The following RHBDD1 variants were observed in gnomAD, a reference collection of about 807,000 sequenced individuals.
RHBDD1 encodes rhomboid-related protein 4.
RHBDD1 carries 38 observed loss-of-function variants against 36.3 expected under a neutral mutation model. That is an observed-to-expected ratio of 1.05 (90% CI 0.81 to 1.37). RHBDD1 has a LOEUF of 1.37. Ranked by LOEUF, RHBDD1 falls within the 40% of genes most tolerant of loss-of-function variation. The pLI is 0.00. For missense variants in RHBDD1, 393 were observed against 377.6 expected, an observed-to-expected ratio of 1.04 and a Z score of -0.34; for synonymous variants, 151 against 136.5, an observed-to-expected ratio of 1.11 and a Z score of -0.74.
chr2:226,948,429 AG>A (rs1951150647), intron 8 of RHBDD1, among the ~76,000 whole-genome samples: 1 of 63,908 alleles, frequency 1.6e-5, no homozygotes, highest in South Asian at 5.9e-4. Flanking sequence ...GGGTAGGGGG[AG>A]GGGGGAGGGA....
chr2:226,825,829 C>T, the RHBDD1 span, among the ~76,000 whole-genome samples: 26 of 152,336 alleles, frequency 1.7e-4, no homozygotes, highest in African/African-American at 3.8e-4. Flanking sequence ...GACTTTCTGA[C>T]GCTCTGTCTC....
At chr2:226,881,574 A>G (rs1945742146) in intron 5 of RHBDD1, among the ~76,000 whole-genome samples, 1 of 152,168 alleles carries the variant, frequency 6.6e-6, no homozygotes, top group Non-Finnish European at 1.5e-5. Flanking sequence ...CTTGGCTCCC[A>G]GGTCCGAGTA....
At chr2:226,948,653 A>G (rs1484309452) in intron 8 of RHBDD1, among the ~76,000 whole-genome samples, 2 of 152,034 alleles carry the variant, frequency 1.3e-5, no homozygotes, top group Non-Finnish European at 2.9e-5. Context: ...CCAAATAATA[A>G]GAGCCATATA....
chr2:226,899,556 TTAAA>T (rs1357438650), intron 5 of RHBDD1, among the ~76,000 whole-genome samples: 2 of 152,092 alleles, frequency 1.3e-5, no homozygotes, highest in African/African-American at 4.8e-5. Flanking sequence ...TCTTAGCAGG[TTAAA>T]TAAATCTGCA....
At chr2:226,847,357 T>G (rs1942332291) in intron 3 of RHBDD1, among the ~76,000 whole-genome samples, 1 of 152,234 alleles carries the variant, frequency 6.6e-6, no homozygotes, top group African/African-American at 2.4e-5. Context: ...TTCATCCACT[T>G]TTTATCTTTC....
intron 8 of RHBDD1, among the ~76,000 whole-genome samples, chr2:226,945,362 A>G (rs1165989823): frequency 6.6e-6 from 1 of 151,782 alleles, no homozygotes; most frequent in Non-Finnish European, 1.5e-5. Flanking sequence ...CCTTATGTCC[A>G]TGTGTTCTCA....
chr2:226,944,289 G>T (rs577162677), intron 8 of RHBDD1, among the ~76,000 whole-genome samples: 1 of 152,112 alleles, frequency 6.6e-6, no homozygotes, highest in Non-Finnish European at 1.5e-5. Flanking sequence ...TTTTTAAAAC[G>T]AAAATAAAAA....
intron 5 of RHBDD1, among the ~76,000 whole-genome samples, chr2:226,899,994 T>C (rs1947454519): frequency 6.6e-6 from 1 of 152,204 alleles, no homozygotes; most frequent in Admixed American, 6.5e-5. Flanking sequence ...AATACAGAAT[T>C]ACTTTGGTTT....
intron 8 of RHBDD1, among the ~76,000 whole-genome samples, chr2:226,963,421 C>CCTTTA (rs1219960098): frequency 6.6e-6 from 1 of 152,072 alleles, no homozygotes. Flanking sequence ...ATCTAAAACC[C>CCTTTA]CTTTACTTTT....
At chr2:226,902,096 G>T (rs1229767087) in intron 5 of RHBDD1, among the ~76,000 whole-genome samples, 1 of 152,162 alleles carries the variant, frequency 6.6e-6, no homozygotes, top group Admixed American at 6.5e-5. Context: ...CTAAGACCTA[G>T]TAAGGTCAAC....
chr2:226,816,317 T>C, the RHBDD1 span, among the ~76,000 whole-genome samples: 5 of 149,128 alleles, frequency 3.4e-5, no homozygotes, highest in Admixed American at 6.7e-5. Flanking sequence ...AATAGCACAT[T>C]TGAATATTCT....
chr2:226,818,755 C>T, the RHBDD1 span, among the ~76,000 whole-genome samples: 30 of 152,042 alleles, frequency 2.0e-4, no homozygotes, highest in African/African-American at 7.0e-4. Context: ...AGGAGAATCG[C>T]TTGAACCCGG....
chr2:226,886,778 C>T (rs1280908427), intron 5 of RHBDD1, among the ~76,000 whole-genome samples: 3 of 152,054 alleles, frequency 2.0e-5, no homozygotes, highest in Non-Finnish European at 4.4e-5. Context: ...ATTGAGAATA[C>T]TACATATCAA....
At chr2:226,872,605 G>A (rs1285729714) in intron 5 of RHBDD1, among the ~76,000 whole-genome samples, 4 of 152,142 alleles carry the variant, frequency 2.6e-5, no homozygotes, top group Non-Finnish European at 1.5e-5. Flanking sequence ...TTTGTGAAGT[G>A]ATCAATATCA....
At chr2:226,887,213 A>G (rs1051057993) in intron 5 of RHBDD1, among the ~76,000 whole-genome samples, 26 of 152,136 alleles carry the variant, frequency 1.7e-4, no homozygotes, top group African/African-American at 6.0e-4. Context: ...CTAATATTAT[A>G]AAAACTTTTC....
intron 5 of RHBDD1, among the ~76,000 whole-genome samples, chr2:226,891,351 A>G (rs746125088): frequency 9.2e-5 from 14 of 152,198 alleles, no homozygotes; most frequent in Non-Finnish European, 1.8e-4. Flanking sequence ...GGCAGCTCAC[A>G]ATGTGGTACC....
intron 8 of RHBDD1, among the ~76,000 whole-genome samples, chr2:226,973,263 C>T (rs1953926357): frequency 6.6e-6 from 1 of 152,188 alleles, no homozygotes; most frequent in Non-Finnish European, 1.5e-5. Context: ...ATATCCTTCC[C>T]AGAGAAAGAA....
chr2:226,986,227 T>C (rs975914721), intron 8 of RHBDD1, among the ~76,000 whole-genome samples: 1 of 152,192 alleles, frequency 6.6e-6, no homozygotes, highest in Non-Finnish European at 1.5e-5. Flanking sequence ...CAAAAGAGAC[T>C]AAGGAGACTT....
chr2:226,920,057 C>G (rs1031939251), intron 8 of RHBDD1, among the ~76,000 whole-genome samples: 2 of 151,322 alleles, frequency 1.3e-5, no homozygotes, highest in Non-Finnish European at 3.0e-5. Context: ...AAGTTAATTC[C>G]TAGGCATTTT....
Sources: allele counts gnomAD v4.1 joint callset (sites outside exome capture counted in the v4.1 genomes callset), GRCh38; gene constraint gnomAD v4.1.1; transcripts MANE v1.5; gene names NCBI Gene and HGNC (gene_info 2026-07-23, HGNC 2026-07-21).